Variants in LYPLA1 observed in about 807,000 individuals in gnomAD.
LYPLA1 encodes lysophospholipase 1.
LYPLA1 carries 17 observed loss-of-function variants against 34.0 expected under a neutral mutation model. That is an observed-to-expected ratio of 0.50 (90% CI 0.34 to 0.75). LYPLA1 has a LOEUF of 0.75. Among genes scored for constraint, LYPLA1 ranks in the 30% least tolerant of loss-of-function variants. The probability of loss-of-function intolerance (pLI) is 0.01; values close to 1 mark genes in which losing one functional copy is unlikely to be tolerated. For synonymous variants in LYPLA1, 98 were observed against 100.8 expected (o/e 0.97, Z 0.17); for missense variants, 203 against 288.8 (o/e 0.70, Z 2.15).
chr8:54,062,120 A>C (rs1806678678), intron 5 of LYPLA1, 134 bp downstream of exon 5: 1 of 594,694 alleles, frequency 1.7e-6, no homozygotes, highest in East Asian at 3.6e-5. Flanking sequence ...TACTTCCCAA[A>C]GTACTGGGAT....
chr8:54,046,780 G>A lies in LYPLA1; in HGVS notation c.*1285C>T, dbSNP rs561918258. 7.2e-5 allele frequency: 11 copies of A among 152,148 alleles called. No individual in the cohort carries two copies. The highest frequency in any genetic ancestry group is 1.3e-4 in the Admixed American group (2 of 15,282). The allele number at this position is 152,148 out of a possible 1,614,324, so 9.4% of individuals were successfully genotyped here. A position where few individuals can be genotyped will look rare whatever the true frequency, so the allele number is the denominator to read the frequency against. ...ATCTGTATGGTAACTACACTTTATG[G>A]TATAGGGTTCTGACTAGCCTTTATT... On this transcript the variant is annotated 3_prime_UTR_variant, in exon 9 of 9. Coordinates refer to ENST00000316963, the MANE Select transcript of LYPLA1 (RefSeq NM_006330.4).
chr8:54,076,637 G>A (rs1159034525), intron 2 of LYPLA1, among the ~76,000 whole-genome samples: 1 of 152,134 alleles, frequency 6.6e-6, no homozygotes, highest in Non-Finnish European at 1.5e-5. Flanking sequence ...GGAAGGTTGT[G>A]GGTTTACCGG....
At chr8:54,050,619 CCTAAGATAAAATTAATCTCTT>C (rs1229556277) in intron 8 of LYPLA1, among the ~76,000 whole-genome samples, 13 of 152,312 alleles carry the variant, frequency 8.5e-5, no homozygotes, top group Admixed American at 8.5e-4. Context: ...CTCAGTGCCT[CCTAAGATAAAATTAATCTCTT>C]CTCAGTTTTT....
chr8:54,092,721 C>T (rs1809392676), intron 2 of LYPLA1, among the ~76,000 whole-genome samples: 1 of 152,184 alleles, frequency 6.6e-6, no homozygotes. Flanking sequence ...GTGGCTCACA[C>T]CTGTAATGCC....
At chr8:54,054,810 GT>G in intron 6 of LYPLA1, 1 of 373,188 alleles carries the variant, frequency 2.7e-6, no homozygotes, top group East Asian at 5.2e-5. Flanking sequence ...TGTGTTATCA[GT>G]TTTAATTAAT....
chr8:54,060,907 C>A (rs1806574586), intron 5 of LYPLA1, among the ~76,000 whole-genome samples: 1 of 151,876 alleles, frequency 6.6e-6, no homozygotes, highest in Admixed American at 6.6e-5. Flanking sequence ...GTTGGCCAGG[C>A]TGGTCTCAAA....
chr8:54,043,425 A>G (rs1805420219), downstream of LYPLA1, among the ~76,000 whole-genome samples: 1 of 151,740 alleles, frequency 6.6e-6, no homozygotes, highest in African/African-American at 2.4e-5. Flanking sequence ...ACAGGCGTGC[A>G]CCACCACACC....
chr8:54,099,164 A>C (rs1217492388), intron 2 of LYPLA1, among the ~76,000 whole-genome samples: 1 of 151,934 alleles, frequency 6.6e-6, no homozygotes, highest in East Asian at 1.9e-4. Flanking sequence ...TCAGGCATAG[A>C]AGTGCTCATT....
At chr8:54,101,509 C>T in intron 1 of LYPLA1, 1 of 1,130,974 alleles carries the variant, frequency 8.8e-7, no homozygotes. Flanking sequence ...CCGCGGGGGT[C>T]CCGGGGCCAC....
At chr8:54,053,904 T>A (rs926089616) in intron 6 of LYPLA1, among the ~76,000 whole-genome samples, 3 of 152,244 alleles carry the variant, frequency 2.0e-5, no homozygotes, top group Non-Finnish European at 4.4e-5. Context: ...GCTTGAGGTA[T>A]TGAGTTGGTT....
intron 2 of LYPLA1, among the ~76,000 whole-genome samples, chr8:54,077,975 G>T (rs914142824): frequency 6.6e-6 from 1 of 152,072 alleles, no homozygotes; most frequent in African/African-American, 2.4e-5. Flanking sequence ...TTTTGAGACA[G>T]AGTCTTACTC....
chr8:54,071,540 A>C (rs2129341073), intron 2 of LYPLA1, among the ~76,000 whole-genome samples: 1 of 152,352 alleles, frequency 6.6e-6, no homozygotes, highest in South Asian at 2.1e-4. Context: ...AATGGAACAC[A>C]CGCAGTAAAA....
At position 54,084,133 on chromosome 8, in the gene LYPLA1, A is replaced by AAAATATATATATATATACATATATATAT. The variant is rs1373090573; in HGVS notation, c.101+16774_101+16775insATATATATATGTATATATATATATATTT. Among the ~76,000 whole-genome samples, 45 of 120,428 alleles carry AAAATATATATATATATACATATATATAT rather than the reference A, an allele frequency of 3.7e-4. 1 individual carries two copies. The highest frequency in any genetic ancestry group is 1.8e-3 in the African/African-American group (39 of 21,626). 79.0% of individuals were successfully genotyped at this position (120,428 alleles called of 152,430 possible). ...AGCCTGGGAGACCAAAGAAAAAAAA[A>AAAATATATATATATATACATATATATAT]ATAAATAAATATATATATATATATA... On this transcript the variant is annotated intron_variant, in intron 2 of 8. Transcript: ENST00000316963.
chr8:54,076,633 T>C (rs539370520), intron 2 of LYPLA1, among the ~76,000 whole-genome samples: 4 of 152,224 alleles, frequency 2.6e-5, no homozygotes, highest in East Asian at 1.9e-4. Flanking sequence ...CGCTGGAAGG[T>C]TGTGGGTTTA....
rs879397974 is a variant in LYPLA1 at position 54,101,668 on chromosome 8, C to G, written c.69+87G>C. The G allele has an allele frequency of 8.7e-5, 103 of 1,180,760 alleles. 1 individual carries two copies. Among genetic ancestry groups the G allele is most frequent in the Non-Finnish European group, 1.0e-4 (97 of 945,506 alleles). 73.1% of individuals were successfully genotyped at this position (1,180,760 alleles called of 1,614,324 possible). On this transcript the variant is annotated intron_variant, in intron 1 of 8. Transcript: ENST00000316963. ...GAGCGTCCTCGTCCGCAGGCCGCCA[C>G]GCGCCCGCAACGCCCACCCCGCGCG...
intron 2 of LYPLA1, among the ~76,000 whole-genome samples, chr8:54,084,138 ATAAATATAT>A (rs1563642527): frequency 7.6e-6 from 1 of 131,150 alleles, no homozygotes; most frequent in African/African-American, 3.3e-5. Flanking sequence ...AAAAAAATAA[ATAAATATAT>A]ATATATATAT....
At chr8:54,063,585 A>G (rs1806820888) in intron 3 of LYPLA1, among the ~76,000 whole-genome samples, 1 of 152,228 alleles carries the variant, frequency 6.6e-6, no homozygotes, top group South Asian at 2.1e-4. Context: ...AACAGCAACA[A>G]AGGACGAAGC....
At chr8:54,089,172 A>C (rs1809017961) in intron 2 of LYPLA1, among the ~76,000 whole-genome samples, 1 of 152,188 alleles carries the variant, frequency 6.6e-6, no homozygotes, top group African/African-American at 2.4e-5. Context: ...CTAACTACTG[A>C]ACTGTATACT....
At chr8:54,045,876 C>T (rs1028543226), downstream of LYPLA1, among the ~76,000 whole-genome samples, 1 of 152,126 alleles carries the variant, frequency 6.6e-6, no homozygotes, top group Admixed American at 6.6e-5. Flanking sequence ...GCTTGGCCAA[C>T]GTGGCAAAAC....
Sources: allele counts gnomAD v4.1 joint callset (sites outside exome capture counted in the v4.1 genomes callset), GRCh38; gene constraint gnomAD v4.1.1; transcripts MANE v1.5; gene names NCBI Gene and HGNC (gene_info 2026-07-23, HGNC 2026-07-21).